The following ROBO1 variants were observed in gnomAD, a reference collection of about 807,000 sequenced individuals.
ROBO1 encodes the protein roundabout guidance receptor 1.
Under a neutral mutation model 195.9 loss-of-function variants are expected in ROBO1, and 149 were observed. The ratio of observed to expected loss-of-function variants is 0.76; its 90% confidence interval spans 0.67 to 0.87. The LOEUF is 0.87. Ranked by LOEUF, ROBO1 falls within the 40% of genes least tolerant of loss-of-function variation. The pLI, the probability that ROBO1 is intolerant of heterozygous loss-of-function variation, is 0.00. For missense variants in ROBO1, 1,933 were observed against 2,068.3 expected, an observed-to-expected ratio of 0.93 and a Z score of 1.27; for synonymous variants, 816 against 733.2, an observed-to-expected ratio of 1.11 and a Z score of -1.82.
At chr3:78,736,799 T>C (rs1320974374) in intron 5 of ROBO1, among the ~76,000 whole-genome samples, 1 of 152,194 alleles carries the variant, frequency 6.6e-6, no homozygotes, top group East Asian at 1.9e-4. Flanking sequence ...TGCTTGGCTT[T>C]CTTTTTTCTA....
In ROBO1 at chr3:79,562,914, C is replaced by T. The variant is rs72903970; in HGVS notation, c.88+26910G>A. Among the ~76,000 whole-genome samples, 1,048 of 151,996 alleles carry T rather than the reference C, an allele frequency of 6.9e-3. 7 individuals carry two copies. The highest frequency in any genetic ancestry group is 0.024 in the African/African-American group (986 of 41,510). On this transcript the variant is annotated intron_variant, in intron 2 of 30. Transcript: ENST00000464233. ...GTGAAAATACCTAAAGCATATTGAT[C>T]ATAAATGAACTAAAGACACTTTGAC...
At chr3:79,617,423 T>C (rs1191467196) in intron 1 of ROBO1, among the ~76,000 whole-genome samples, 1 of 152,074 alleles carries the variant, frequency 6.6e-6, no homozygotes, top group East Asian at 1.9e-4. Flanking sequence ...TTGTTGCAAA[T>C]GTCAGCATTT....
intron 8 of ROBO1, among the ~76,000 whole-genome samples, chr3:78,712,685 A>G (rs781420712): frequency 3.9e-5 from 6 of 152,242 alleles, no homozygotes; most frequent in Non-Finnish European, 5.9e-5. Context: ...AAATTCAAGT[A>G]GTTTCTGGAT....
At chr3:78,727,487 G>A (rs529171365) in intron 5 of ROBO1, among the ~76,000 whole-genome samples, 3 of 152,114 alleles carry the variant, frequency 2.0e-5, no homozygotes, top group South Asian at 4.2e-4. Flanking sequence ...TTATCCGGGC[G>A]TGGTGGCGGC....
intron 2 of ROBO1, among the ~76,000 whole-genome samples, chr3:79,462,419 C>T (rs1326210267): frequency 6.6e-6 from 1 of 152,144 alleles, no homozygotes; most frequent in African/African-American, 2.4e-5. Context: ...TGTTCTATTA[C>T]TTGTATAGTA....
chr3:79,645,071 G>A (rs960343512), intron 1 of ROBO1, among the ~76,000 whole-genome samples: 1 of 152,032 alleles, frequency 6.6e-6, no homozygotes. Context: ...AGTACTAAGA[G>A]GGAGGTTTAT....
At chr3:79,411,357 G>T (rs1348885007) in intron 2 of ROBO1, among the ~76,000 whole-genome samples, 1 of 152,138 alleles carries the variant, frequency 6.6e-6, no homozygotes, top group Non-Finnish European at 1.5e-5. Context: ...TGATCAAATT[G>T]TGGAGGTATT....
intron 1 of ROBO1, among the ~76,000 whole-genome samples, chr3:79,591,011 A>G (rs1258322167): frequency 6.6e-6 from 1 of 151,742 alleles, no homozygotes; most frequent in Non-Finnish European, 1.5e-5. Flanking sequence ...TTAATAATAG[A>G]TTATACAATG....
chr3:78,879,189 TA>T (rs1215229606), intron 4 of ROBO1, among the ~76,000 whole-genome samples: 1 of 152,202 alleles, frequency 6.6e-6, no homozygotes, highest in Non-Finnish European at 1.5e-5. Context: ...AGCATATAAC[TA>T]AAAACTGGAT....
chr3:78,663,881 C>T (rs1264319686), intron 14 of ROBO1, among the ~76,000 whole-genome samples: 1 of 152,142 alleles, frequency 6.6e-6, no homozygotes, highest in Non-Finnish European at 1.5e-5. Context: ...AAGCTCCCAT[C>T]CTCACAAAAT....
intron 3 of ROBO1, among the ~76,000 whole-genome samples, chr3:79,094,315 G>A (rs2079528077): frequency 6.6e-6 from 1 of 152,114 alleles, no homozygotes; most frequent in Non-Finnish European, 1.5e-5. Flanking sequence ...ATAGAAGAAT[G>A]TCTAATGAAT....
At chr3:79,382,321 T>C (rs896526433) in intron 2 of ROBO1, among the ~76,000 whole-genome samples, 22 of 152,022 alleles carry the variant, frequency 1.4e-4, no homozygotes, top group African/African-American at 5.3e-4. Flanking sequence ...CAAGAAGAAA[T>C]AGAGATAGAA....
chr3:79,618,853 A>G (rs1944908156), intron 1 of ROBO1, among the ~76,000 whole-genome samples: 1 of 152,116 alleles, frequency 6.6e-6, no homozygotes, highest in Admixed American at 6.5e-5. Flanking sequence ...CTCTCGTGCT[A>G]CCCTTCAATC....
rs768205705 is a variant in ROBO1 at position 78,717,803 on chromosome 3, A to G, written c.738T>C (p.Val246=). ...CGGCTACTTCACTCTCACGTTCCCC[A>G]ACCATATTGGTACCAACACAAACAT... ...GKYVCVGTNM[V]GERESEVAEL... is the part of the protein sequence containing the mutation. The change falls in exon 6 of 31, where the codon GTT becomes GTC. Residue 246 remains valine, a synonymous_variant. Coordinates refer to ENST00000464233, the MANE Select transcript of ROBO1 (RefSeq NM_002941.4). 170 of 1,613,626 alleles carry G rather than the reference A, an allele frequency of 1.1e-4. No individual in the cohort carries two copies. Among genetic ancestry groups the G allele is most frequent in the Non-Finnish European group, 1.0e-4 (120 of 1,179,754 alleles).
intron 4 of ROBO1, among the ~76,000 whole-genome samples, chr3:78,918,735 G>A (rs2038774595): frequency 6.6e-6 from 1 of 151,974 alleles, no homozygotes. Context: ...GCCTTCTAAG[G>A]TACCCAGGAA....
intron 3 of ROBO1, among the ~76,000 whole-genome samples, chr3:79,013,217 T>C (rs113006312): frequency 5.9e-5 from 9 of 152,262 alleles, no homozygotes; most frequent in African/African-American, 2.2e-4. Context: ...ATTACTTGCC[T>C]TGGGATTCAG....
chr3:79,203,477 A>T (rs2081806830), intron 2 of ROBO1, among the ~76,000 whole-genome samples: 1 of 152,202 alleles, frequency 6.6e-6, no homozygotes, highest in Admixed American at 6.5e-5. Flanking sequence ...GCTTCAGTAG[A>T]CTGGCTCTTT....
intron 3 of ROBO1, among the ~76,000 whole-genome samples, chr3:79,061,010 C>T (rs999881809): frequency 6.6e-6 from 1 of 151,850 alleles, no homozygotes; most frequent in Non-Finnish European, 1.5e-5. Context: ...GGCAATCAGG[C>T]CAAGAGAAAT....
chr3:79,312,958 C>T (rs1484807733), intron 2 of ROBO1, among the ~76,000 whole-genome samples: 3 of 151,956 alleles, frequency 2.0e-5, no homozygotes, highest in African/African-American at 4.8e-5. Context: ...CTCAACGTTG[C>T]CATTTACATT....
Sources: gnomAD v4.1 joint callset for allele counts (sites outside exome capture counted in the v4.1 genomes callset) on GRCh38, gnomAD v4.1.1 for gene constraint, MANE v1.5 for transcripts, NCBI Gene and HGNC (gene_info 2026-07-23, HGNC 2026-07-21) for gene names.